Variants in BCL2L1 observed in about 807,000 individuals in gnomAD.
The protein encoded by BCL2L1 is bcl-2-like protein 1.
BCL2L1 carries 1 observed loss-of-function variant against 18.7 expected under a neutral mutation model. That is an observed-to-expected ratio of 0.05 (90% CI 0.02 to 0.25). BCL2L1 has a LOEUF of 0.25. Ranked by LOEUF, BCL2L1 falls within the 10% of genes least tolerant of loss-of-function variation. The pLI, the probability that BCL2L1 is intolerant of heterozygous loss-of-function variation, is 1.00. For missense variants in BCL2L1, 207 were observed against 304.9 expected, an observed-to-expected ratio of 0.68 and a Z score of 2.39; for synonymous variants, 103 against 122.7, an observed-to-expected ratio of 0.84 and a Z score of 1.06.
At chr20:31,678,140 T>A (rs1380647749) in intron 2 of BCL2L1, among the ~76,000 whole-genome samples, 1 of 152,170 alleles carries the variant, frequency 6.6e-6, no homozygotes, top group Non-Finnish European at 1.5e-5. Context: ...CAGGCAGGAA[T>A]GGGGTAGCAA....
chr20:31,668,455 T>C (rs552644789), intron 2 of BCL2L1, among the ~76,000 whole-genome samples: 57 of 151,982 alleles, frequency 3.8e-4, no homozygotes, highest in Non-Finnish European at 6.9e-4. Context: ...TACAGACATG[T>C]GCCACCATGC....
At chr20:31,685,066 C>T (rs2060931398) in intron 2 of BCL2L1, among the ~76,000 whole-genome samples, 1 of 152,162 alleles carries the variant, frequency 6.6e-6, no homozygotes, top group Non-Finnish European at 1.5e-5. Flanking sequence ...TACCAAGGTC[C>T]TCCATTAAAG....
chr20:31,675,137 G>A (rs570111834), intron 2 of BCL2L1, among the ~76,000 whole-genome samples: 72 of 152,282 alleles, frequency 4.7e-4, no homozygotes, highest in African/African-American at 1.7e-3. Flanking sequence ...TGTGCCAGAC[G>A]AACCCTTCCT....
chr20:31,717,948 C>T (rs559157561), intron 2 of BCL2L1, among the ~76,000 whole-genome samples: 2 of 152,298 alleles, frequency 1.3e-5, no homozygotes, highest in Non-Finnish European at 2.9e-5. Flanking sequence ...CGGGGAAGGT[C>T]ATGTATACAA....
intron 2 of BCL2L1, among the ~76,000 whole-genome samples, chr20:31,719,533 T>C (rs1007464954): frequency 9.8e-5 from 15 of 152,294 alleles, no homozygotes; most frequent in Admixed American, 8.5e-4. Context: ...TGCTCAGAAA[T>C]GGTTCTGATA....
At chr20:31,666,369 G>A (rs1172867153) in intron 2 of BCL2L1, among the ~76,000 whole-genome samples, 2 of 152,156 alleles carry the variant, frequency 1.3e-5, no homozygotes, top group Non-Finnish European at 2.9e-5. Flanking sequence ...AGGTGGGAAC[G>A]AGATGGGCAG....
At chr20:31,703,596 A>T (rs1312796245) in intron 2 of BCL2L1, among the ~76,000 whole-genome samples, 1 of 149,650 alleles carries the variant, frequency 6.7e-6, no homozygotes, top group Non-Finnish European at 1.5e-5. Flanking sequence ...GGTTCAAGTG[A>T]TTCTCCTGCC....
At chr20:31,674,328 G>A (rs1226388241) in intron 2 of BCL2L1, among the ~76,000 whole-genome samples, 2 of 152,168 alleles carry the variant, frequency 1.3e-5, no homozygotes, top group Non-Finnish European at 2.9e-5. Flanking sequence ...AACCCATATA[G>A]CTGATGGATA....
intron 2 of BCL2L1, among the ~76,000 whole-genome samples, chr20:31,674,790 G>A (rs924046363): frequency 2.0e-5 from 3 of 150,474 alleles, no homozygotes; most frequent in African/African-American, 7.4e-5. Flanking sequence ...TGGGAGAATT[G>A]CTTGAGGCTG....
intron 2 of BCL2L1, among the ~76,000 whole-genome samples, chr20:31,692,975 G>A (rs1309207256): frequency 6.6e-6 from 1 of 150,430 alleles, no homozygotes; most frequent in Non-Finnish European, 1.5e-5. Context: ...GGAGACTGAG[G>A]CAGAAGAACC....
chr20:31,685,888 T>C (rs1010152356), intron 2 of BCL2L1, among the ~76,000 whole-genome samples: 3 of 152,196 alleles, frequency 2.0e-5, no homozygotes, highest in African/African-American at 4.8e-5. Context: ...ATTTTCTTCA[T>C]ATATAAACCA....
In BCL2L1 at chr20:31,665,764, T is replaced by C; in HGVS notation, c.*185A>G. Reference sequence around the variant, plus strand: ...GGCCAAGGGAACTGAGGTGTGGGGGTCTCACAGAAGTGTGATAAATTCTAG... The same window carrying C: ...GGCCAAGGGAACTGAGGTGTGGGGGCCTCACAGAAGTGTGATAAATTCTAG... On this transcript the variant is annotated 3_prime_UTR_variant, in exon 3 of 3. Transcript: ENST00000307677. 1 of 737,382 alleles carries C rather than the reference T, an allele frequency of 1.4e-6. No individual in the cohort carries two copies. The highest frequency in any genetic ancestry group is 2.2e-6 in the Non-Finnish European group (1 of 464,124). The allele number at this position is 737,382 out of a possible 1,614,324, so 45.7% of individuals were successfully genotyped here. A position where few individuals can be genotyped will look rare whatever the true frequency, so the allele number is the denominator to read the frequency against.
intron 2 of BCL2L1, among the ~76,000 whole-genome samples, chr20:31,670,782 G>A (rs772611856): frequency 1.2e-4 from 19 of 152,184 alleles, no homozygotes; most frequent in Non-Finnish European, 2.5e-4. Context: ...CAGGGCGGGT[G>A]CTGGAGAGGC....
At chr20:31,714,918 C>G (rs949693686) in intron 2 of BCL2L1, among the ~76,000 whole-genome samples, 1 of 152,148 alleles carries the variant, frequency 6.6e-6, no homozygotes, top group Admixed American at 6.5e-5. Context: ...GTCCAAGCCA[C>G]TATTCTTTTT....
intron 2 of BCL2L1, among the ~76,000 whole-genome samples, chr20:31,693,400 A>T (rs2061116186): frequency 6.6e-6 from 1 of 152,016 alleles, no homozygotes; most frequent in Admixed American, 6.6e-5. Flanking sequence ...GTGAGGTATG[A>T]TCATGCCACT....
intron 2 of BCL2L1, among the ~76,000 whole-genome samples, chr20:31,718,565 G>C (rs757076400): frequency 1.3e-5 from 2 of 150,666 alleles, no homozygotes; most frequent in African/African-American, 2.4e-5. Flanking sequence ...TGAGGCAGGA[G>C]AATCACTTGA....
chr20:31,712,172 G>T (rs1216978914), intron 2 of BCL2L1, among the ~76,000 whole-genome samples: 1 of 152,168 alleles, frequency 6.6e-6, no homozygotes, highest in Non-Finnish European at 1.5e-5. Context: ...GTCACTAAAG[G>T]CTGTCACATA....
intron 2 of BCL2L1, among the ~76,000 whole-genome samples, chr20:31,667,393 G>A (rs940971761): frequency 4.0e-5 from 6 of 151,640 alleles, no homozygotes; most frequent in East Asian, 3.9e-4. Flanking sequence ...CCCGGGAGAC[G>A]GAGGTTGCAG....
At chr20:31,702,441 G>C (rs908872671) in intron 2 of BCL2L1, among the ~76,000 whole-genome samples, 1 of 152,134 alleles carries the variant, frequency 6.6e-6, no homozygotes, top group African/African-American at 2.4e-5. Flanking sequence ...GACCAGCCTG[G>C]ACATCATGGT....
Sources: gnomAD v4.1 joint callset for allele counts (sites outside exome capture counted in the v4.1 genomes callset) on GRCh38, gnomAD v4.1.1 for gene constraint, MANE v1.5 for transcripts, NCBI Gene and HGNC (gene_info 2026-07-23, HGNC 2026-07-21) for gene names.